Variants in MYO3A observed in about 807,000 individuals in gnomAD.
MYO3A encodes myosin-IIIa.
MYO3A carries 180 observed loss-of-function variants against 192.7 expected under a neutral mutation model. The observed-to-expected ratio is 0.93, with a 90% CI of 0.83 to 1.06. The LOEUF (loss-of-function observed/expected upper bound fraction) is 1.06. MYO3A is among the 50% of genes least tolerant of loss of function. The pLI is 0.00. For synonymous variants in MYO3A, 628 were observed against 645.3 expected, an observed-to-expected ratio of 0.97 and a Z score of 0.41; for missense variants, 1,896 against 1,905.0, an observed-to-expected ratio of 1.00 and a Z score of 0.09.
chr10:26,063,399 C>T (rs1834629036), intron 10 of MYO3A, among the ~76,000 whole-genome samples: 1 of 151,992 alleles, frequency 6.6e-6, no homozygotes, highest in Non-Finnish European at 1.5e-5. Context: ...TAGATTTTTT[C>T]CTATGTTATC....
chr10:26,093,768 CT>C (rs1400994100), intron 15 of MYO3A, among the ~76,000 whole-genome samples: 3 of 152,200 alleles, frequency 2.0e-5, no homozygotes, highest in African/African-American at 7.2e-5. Context: ...ACCTCTCCCC[CT>C]CTCTTAAAAC....
chr10:25,974,135 A>G (rs1336748016), intron 4 of MYO3A, among the ~76,000 whole-genome samples: 7 of 152,216 alleles, frequency 4.6e-5, no homozygotes, highest in Non-Finnish European at 4.4e-5. Context: ...AAAAGAAACT[A>G]TCATCAGAGC....
intron 4 of MYO3A, among the ~76,000 whole-genome samples, chr10:25,995,638 C>T (rs1434226476): frequency 6.6e-6 from 1 of 152,220 alleles, no homozygotes; most frequent in Admixed American, 6.5e-5. Context: ...GTGGTTTTAT[C>T]TACCTTTGGT....
At chr10:26,077,624 G>T (rs562264319) in intron 14 of MYO3A, among the ~76,000 whole-genome samples, 1 of 152,036 alleles carries the variant, frequency 6.6e-6, no homozygotes, top group South Asian at 2.1e-4. Flanking sequence ...TATTACGTTG[G>T]CTGTGGGTTT....
intron 20 of MYO3A, among the ~76,000 whole-genome samples, chr10:26,142,332 A>T (rs1840212237): frequency 6.6e-6 from 1 of 152,222 alleles, no homozygotes; most frequent in African/African-American, 2.4e-5. Context: ...TTCAGAGGTC[A>T]CACATGTACT....
intron 20 of MYO3A, among the ~76,000 whole-genome samples, chr10:26,142,201 G>A (rs1382792768): frequency 6.6e-6 from 1 of 152,142 alleles, no homozygotes; most frequent in Non-Finnish European, 1.5e-5. Flanking sequence ...ATTTAAACAT[G>A]GGAATGTCAC....
chr10:26,197,671 C>T (rs920362539), intron 32 of MYO3A, among the ~76,000 whole-genome samples: 1 of 152,234 alleles, frequency 6.6e-6, no homozygotes, highest in Non-Finnish European at 1.5e-5. Flanking sequence ...TCAACCGATT[C>T]TCCTGCCTTA....
At chr10:26,026,982 G>T (rs547648469) in intron 10 of MYO3A, among the ~76,000 whole-genome samples, 1 of 152,294 alleles carries the variant, frequency 6.6e-6, no homozygotes, top group East Asian at 1.9e-4. Flanking sequence ...TTACAGGCGT[G>T]ACAGGCTGCA....
In MYO3A at chr10:25,952,213, GTT is replaced by G; in HGVS notation, c.107_108del (p.Phe36Ter). 1 of 1,612,806 alleles carries G rather than the reference GTT, an allele frequency of 6.2e-7. No individual in the cohort carries two copies. The highest frequency in any genetic ancestry group is 8.5e-7 in the Non-Finnish European group (1 of 1,179,236). On this transcript the variant is annotated frameshift_variant, in exon 3 of 35. Coordinates refer to ENST00000642920, the MANE Select transcript of MYO3A (RefSeq NM_017433.5). LOFTEE classifies it high-confidence loss of function. ...AATTGGCAAAGGAACTTATGGGAAA[GTT>G]TTTAAAGTATTGAATAAGAAAAATG... Reference protein sequence around the residue: ...ETIGKGTYGKVFKVLNKKNGQ... With the variant: ...ETIGKGTYGKXFKVLNKKNGQ...
intron 4 of MYO3A, among the ~76,000 whole-genome samples, chr10:25,977,252 T>C (rs1315917532): frequency 6.6e-6 from 1 of 152,210 alleles, no homozygotes; most frequent in Non-Finnish European, 1.5e-5. Flanking sequence ...CACTTCCTCC[T>C]CCAATTTCTT....
At chr10:26,127,563 C>T (rs1382557892) in intron 19 of MYO3A, among the ~76,000 whole-genome samples, 1 of 152,138 alleles carries the variant, frequency 6.6e-6, no homozygotes, top group Non-Finnish European at 1.5e-5. Context: ...TAGAGCGGAT[C>T]CTTCAGGTCA....
intron 22 of MYO3A, among the ~76,000 whole-genome samples, chr10:26,146,709 A>T (rs887211780): frequency 2.6e-5 from 4 of 152,210 alleles, no homozygotes; most frequent in Admixed American, 6.5e-5. Context: ...AGTCACAGTG[A>T]AAGTTTACAT....
At chr10:26,197,404 T>C (rs988790742) in intron 32 of MYO3A, among the ~76,000 whole-genome samples, 6 of 152,326 alleles carry the variant, frequency 3.9e-5, no homozygotes, top group Admixed American at 2.6e-4. Flanking sequence ...TTTCTATGTT[T>C]ATCAAAAAGA....
intron 32 of MYO3A, among the ~76,000 whole-genome samples, chr10:26,196,335 G>A (rs140590347): frequency 1.4e-4 from 21 of 152,318 alleles, no homozygotes; most frequent in African/African-American, 4.8e-4. Context: ...GAAGTGAAAT[G>A]TTATTACTAA....
At chr10:26,102,342 C>T (rs1029198980) in intron 17 of MYO3A, among the ~76,000 whole-genome samples, 2 of 152,166 alleles carry the variant, frequency 1.3e-5, no homozygotes, top group African/African-American at 4.8e-5. Flanking sequence ...GTTCAAACAT[C>T]CTCCTTTAGC....
rs765265361 is a variant in MYO3A, at chr10:25,996,501, A to T, written c.315A>T (p.Gly105=). 1 of 1,613,508 alleles carries T rather than the reference A, an allele frequency of 6.2e-7. No individual in the cohort carries two copies. The highest frequency in any genetic ancestry group is 8.5e-7 in the Non-Finnish European group (1 of 1,179,646). The change falls in exon 5 of 35, where the codon GGA becomes GGT. Residue 105 remains glycine (G), a synonymous_variant. Transcript: ENST00000642920. ...ATATTCTTGTTTAGCTCTGCAGTGG[A>T]GGATCAGTGACTGACCTTGTGAAAG... ...KLWLVLELCS[G]GSVTDLVKGF... is the part of the protein sequence containing the mutation.
At chr10:25,967,051 T>A (rs1427008816) in intron 4 of MYO3A, among the ~76,000 whole-genome samples, 3 of 152,130 alleles carry the variant, frequency 2.0e-5, no homozygotes, top group Non-Finnish European at 4.4e-5. Context: ...TCAAAGCAAC[T>A]GTTGCTGCAC....
At chr10:25,942,599 A>T (rs1012722846) in intron 2 of MYO3A, among the ~76,000 whole-genome samples, 1 of 152,198 alleles carries the variant, frequency 6.6e-6, no homozygotes, top group Non-Finnish European at 1.5e-5. Flanking sequence ...ACAACACTGA[A>T]ATCGCTTTCT....
At position 26,096,565 on chromosome 10, in the gene MYO3A, T is replaced by A. The variant is rs775330285; in HGVS notation, c.1662-3T>A. The A allele has an allele frequency of 1.9e-6, 3 of 1,593,094 alleles. No homozygotes were observed. The highest frequency in any genetic ancestry group is 1.7e-5 in the Admixed American group (1 of 59,960). On this transcript the variant is annotated splice_polypyrimidine_tract_variant and splice_region_variant and intron_variant, in intron 16 of 34. Transcript: ENST00000642920. ...TTTATCCTTCCTTTTATATTTTTTT[T>A]AGGTACCTACAAAATGACCACCTCA...
Sources: allele counts gnomAD v4.1 joint callset (sites outside exome capture counted in the v4.1 genomes callset), GRCh38; gene constraint gnomAD v4.1.1; transcripts MANE v1.5; gene names NCBI Gene and HGNC (gene_info 2026-07-23, HGNC 2026-07-21).